Variants in CGRRF1 observed in about 807,000 individuals in gnomAD.
The protein encoded by CGRRF1 is cell growth regulator with ring finger domain 1.
A neutral mutation model predicts 37.2 loss-of-function variants in CGRRF1; 32 were observed. The ratio of observed to expected loss-of-function variants is 0.86; its 90% confidence interval spans 0.65 to 1.16. The LOEUF is 1.16. Ranked by LOEUF, CGRRF1 falls within the 50% of genes most tolerant of loss-of-function variation. CGRRF1 has a pLI of 0.00. For synonymous variants in CGRRF1, 141 were observed against 140.3 expected (o/e 1.00, Z -0.04); for missense variants, 391 against 382.6 (o/e 1.02, Z -0.18).
chr14:54,529,681 C>T (rs974405938), intron 2 of CGRRF1, among the ~76,000 whole-genome samples: 1 of 152,054 alleles, frequency 6.6e-6, no homozygotes, highest in Non-Finnish European at 1.5e-5. Flanking sequence ...TGTTTCTTGT[C>T]GTTAGGATCA....
chr14:54,513,415 G>T (rs1011890343), intron 1 of CGRRF1, among the ~76,000 whole-genome samples: 1 of 152,198 alleles, frequency 6.6e-6, no homozygotes, highest in Admixed American at 6.5e-5. Flanking sequence ...GTGCTTCTTT[G>T]TTCACTGGAG....
Position 54,538,405 on chromosome 14 carries a change from TAC to T in CGRRF1, c.*25_*26del. 6.6e-7 allele frequency: 1 copy of T among 1,525,028 alleles called. No individual in the cohort carries two copies. The highest frequency in any genetic ancestry group is 9.0e-7 in the Non-Finnish European group (1 of 1,114,774). 94.5% of individuals were successfully genotyped at this position (1,525,028 alleles called of 1,614,324 possible). ...TTGAAGACATCGTAACACTGAAAAG[TAC>T]ACTTTCTACTAAAGATGCAGAAATT... On this transcript the variant is annotated 3_prime_UTR_variant, in exon 6 of 6. Coordinates refer to ENST00000216420, the MANE Select transcript of CGRRF1 (RefSeq NM_006568.3).
chr14:54,519,762 T>C (rs2032284981), intron 1 of CGRRF1, among the ~76,000 whole-genome samples: 1 of 152,242 alleles, frequency 6.6e-6, no homozygotes, highest in Non-Finnish European at 1.5e-5. Flanking sequence ...TTTGTTTCTT[T>C]GCTTTTTTTG....
intron 1 of CGRRF1, among the ~76,000 whole-genome samples, chr14:54,511,579 AT>A (rs1318984362): frequency 1.3e-5 from 2 of 152,184 alleles, no homozygotes. Context: ...TTTAATTTTT[AT>A]TTTAAATAGG....
At chr14:54,519,572 C>T (rs1051033690) in intron 1 of CGRRF1, among the ~76,000 whole-genome samples, 1 of 152,094 alleles carries the variant, frequency 6.6e-6, no homozygotes, top group African/African-American at 2.4e-5. Flanking sequence ...CTTATAACGA[C>T]AGTTCTGCGT....
chr14:54,526,642 G>A (rs1262337870), intron 2 of CGRRF1, among the ~76,000 whole-genome samples: 1 of 152,126 alleles, frequency 6.6e-6, no homozygotes, highest in Non-Finnish European at 1.5e-5. Context: ...TAGATACTCA[G>A]TGTATATAAG....
At chr14:54,534,889 A>C (rs2032575493) in intron 4 of CGRRF1, among the ~76,000 whole-genome samples, 2 of 152,136 alleles carry the variant, frequency 1.3e-5, no homozygotes, top group Admixed American at 1.3e-4. Flanking sequence ...TAAGTTAAAA[A>C]AAATTTTTTT....
At chr14:54,525,827 T>C (rs1474810137) in intron 2 of CGRRF1, among the ~76,000 whole-genome samples, 1 of 152,206 alleles carries the variant, frequency 6.6e-6, no homozygotes, top group African/African-American at 2.4e-5. Context: ...CTGCACGTGG[T>C]GGCTCATGCT....
intron 1 of CGRRF1, among the ~76,000 whole-genome samples, chr14:54,522,185 G>C (rs1323733440): frequency 6.6e-6 from 1 of 152,118 alleles, no homozygotes; most frequent in Non-Finnish European, 1.5e-5. Flanking sequence ...TTGTTATACT[G>C]TATTGGTTTT....
chr14:54,528,527 T>C (rs1192416064), intron 2 of CGRRF1, among the ~76,000 whole-genome samples: 2 of 152,238 alleles, frequency 1.3e-5, no homozygotes, highest in African/African-American at 2.4e-5. Flanking sequence ...TTTTAAAATA[T>C]GCATTTTCTA....
At chr14:54,528,299 G>A (rs373798405) in intron 2 of CGRRF1, among the ~76,000 whole-genome samples, 5 of 144,514 alleles carry the variant, frequency 3.5e-5, no homozygotes, top group African/African-American at 1.3e-4. Context: ...TGTAACCTCC[G>A]CCTTCCTATT....
intron 1 of CGRRF1, among the ~76,000 whole-genome samples, chr14:54,516,610 T>A (rs1053411794): frequency 1.3e-4 from 20 of 152,312 alleles, no homozygotes; most frequent in African/African-American, 4.1e-4. Flanking sequence ...TTACTGGTTT[T>A]AAGCAATTTG....
chr14:54,531,096 A>ATGG (rs1284394640), intron 4 of CGRRF1, 46 bp downstream of exon 4: 1 of 1,378,560 alleles, frequency 7.3e-7, no homozygotes, highest in African/African-American at 1.5e-5. Context: ...AGTGATTTGA[A>ATGG]TGGTGGTTCT....
intron 1 of CGRRF1, among the ~76,000 whole-genome samples, chr14:54,513,681 C>T (rs955554984): frequency 6.6e-6 from 1 of 151,900 alleles, no homozygotes; most frequent in African/African-American, 2.4e-5. Context: ...AGCTGGAGTG[C>T]AGTGGCATGA....
intron 3 of CGRRF1, chr14:54,530,497 A>G (rs1566511889): frequency 8.1e-7 from 1 of 1,236,400 alleles, no homozygotes; most frequent in Admixed American, 2.5e-5. Context: ...TTGGTATACT[A>G]GAAGCATGTT....
intron 3 of CGRRF1, chr14:54,530,482 C>T (rs1351887832): frequency 2.7e-6 from 3 of 1,105,566 alleles, no homozygotes; most frequent in East Asian, 5.2e-5. Context: ...ACTTATTGAT[C>T]ATTTTTGGTA....
Position 54,515,340 on chromosome 14 carries a change from C to T in CGRRF1, c.104+5277C>T, listed in dbSNP as rs73265798. Reference sequence around the variant, plus strand: ...ATCGCTTGACCTCATGATCTGCCCGCGATGACCTCCCGAAGTGCTGGGATT... The same window carrying T: ...ATCGCTTGACCTCATGATCTGCCCGTGATGACCTCCCGAAGTGCTGGGATT... On this transcript the variant is annotated intron_variant, in intron 1 of 5. Coordinates refer to ENST00000216420, the MANE Select transcript of CGRRF1 (RefSeq NM_006568.3). 2.0e-3 allele frequency among the ~76,000 whole-genome samples: 300 copies of T among 151,946 alleles called. 2 individuals are homozygous for T. The highest frequency in any genetic ancestry group is 6.9e-3 in the African/African-American group (284 of 41,440).
intron 4 of CGRRF1, among the ~76,000 whole-genome samples, chr14:54,535,441 A>C (rs1290596124): frequency 1.3e-5 from 2 of 151,462 alleles, no homozygotes; most frequent in Non-Finnish European, 2.9e-5. Flanking sequence ...GATTTTTCTT[A>C]TGATCAGATC....
rs113589291 is a variant in CGRRF1, at chr14:54,520,529, AATTTTCTTAT to A, written c.105-1924_105-1915del. 1.8e-3 allele frequency among the ~76,000 whole-genome samples: 268 copies of A among 152,284 alleles called. 1 individual carries two copies. The highest frequency in any genetic ancestry group is 5.9e-3 in the African/African-American group (247 of 41,554). ...TGTCAAGATACTGAACGTTACCGTCAATTTTCTTATGCTCTTTCCCAGTCAGTCCTACTCC... is the reference window on the plus strand; with the variant it reads ...TGTCAAGATACTGAACGTTACCGTCAGCTCTTTCCCAGTCAGTCCTACTCC... On this transcript the variant is annotated intron_variant, in intron 1 of 5. Coordinates refer to ENST00000216420, the MANE Select transcript of CGRRF1 (RefSeq NM_006568.3).
Sources: allele counts gnomAD v4.1 joint callset (sites outside exome capture counted in the v4.1 genomes callset), GRCh38; gene constraint gnomAD v4.1.1; transcripts MANE v1.5; gene names NCBI Gene and HGNC (gene_info 2026-07-23, HGNC 2026-07-21).